SPHKAP: variants seen among roughly 807,000 people sequenced by gnomAD.
SPHKAP encodes A-kinase anchor protein SPHKAP.
SPHKAP carries 67 observed loss-of-function variants against 137.5 expected under a neutral mutation model. That is an observed-to-expected ratio of 0.49 (90% confidence interval 0.40 to 0.60). The LOEUF is 0.60. Among genes scored for constraint, SPHKAP ranks in the 20% least tolerant of loss-of-function variants. The pLI is 0.00. For missense variants in SPHKAP, 2,097 were observed against 2,069.3 expected, an observed-to-expected ratio of 1.01 and a Z score of -0.26; for synonymous variants, 813 against 785.3, an observed-to-expected ratio of 1.04 and a Z score of -0.59.
rs1434857854 is a variant in SPHKAP at position 228,001,325 on chromosome 2, A to ATC, written c.4449-5632_4449-5631insGA. ...AATATATCTATACATATATAAATAT[A>ATC]TATACATATATAAATATATATACAC... On this transcript the variant is annotated intron_variant, in intron 7 of 11. Coordinates refer to ENST00000392056, the MANE Select transcript of SPHKAP (RefSeq NM_001142644.2). 1.9e-3 allele frequency among the ~76,000 whole-genome samples: 272 copies of ATC among 143,962 alleles called. 1 individual carries two copies. The highest frequency in any genetic ancestry group is 9.1e-3 in the South Asian group (43 of 4,724). The allele number at this position is 143,962 out of a possible 152,430, so 94.4% of individuals were successfully genotyped here.
intron 8 of SPHKAP, 100 bp downstream of exon 8, chr2:227,995,407 TTC>T: frequency 1.4e-6 from 2 of 1,418,606 alleles, no homozygotes; most frequent in Non-Finnish European, 2.0e-6. Context: ...TGTTCTCTCC[TTC>T]TCTCTTTATT....
chr2:228,107,149 T>C (rs1034537731), intron 3 of SPHKAP, among the ~76,000 whole-genome samples: 1 of 152,098 alleles, frequency 6.6e-6, no homozygotes, highest in Non-Finnish European at 1.5e-5. Flanking sequence ...CTACTAGTTA[T>C]CGTCACCATG....
rs202074786 is a variant in SPHKAP, at chr2:228,019,874, G to A, written c.980C>T (p.Ala327Val). 1.8e-4 allele frequency: 285 copies of A among 1,614,072 alleles called. No individual in the cohort carries two copies. Among genetic ancestry groups the A allele is most frequent in the Non-Finnish European group, 2.0e-4 (239 of 1,180,036 alleles). The change falls in exon 7 of 12, where the codon GCT (alanine) becomes GTT (valine). Residue 327 changes from alanine to valine, a missense_variant. Coordinates refer to ENST00000392056, the MANE Select transcript of SPHKAP (RefSeq NM_001142644.2). Reference protein sequence around the residue: ...RQATHYYHSEAFKGQMEKSQA... With the variant: ...RQATHYYHSEVFKGQMEKSQA... ...TGATTTTTCCATTTGACCTTTAAAA[G>A]CTTCTGAATGATAATAATGTGTGGC...
intron 7 of SPHKAP, among the ~76,000 whole-genome samples, chr2:227,996,345 C>A (rs752886214): frequency 1.3e-5 from 2 of 152,192 alleles, no homozygotes; most frequent in Non-Finnish European, 2.9e-5. Flanking sequence ...AAGGAGCTCT[C>A]CAGAGCATTT....
rs965459047 is a variant in SPHKAP at position 228,110,528 on chromosome 2, C to T, written c.139-1589G>A. 5.3e-5 allele frequency among the ~76,000 whole-genome samples: 8 copies of T among 152,244 alleles called. No individual in the cohort carries two copies. The East Asian group carries it at 1.5e-3, about 29-fold the overall frequency. Reference sequence around the variant, plus strand: ...CTCTCAGTTCTCTTAAATATTTTACCTAAACTGGTTCTTAAAGCATGGGCT... The same window carrying T: ...CTCTCAGTTCTCTTAAATATTTTACTTAAACTGGTTCTTAAAGCATGGGCT... On this transcript the variant is annotated intron_variant, in intron 2 of 11. Transcript: ENST00000392056.
intron 2 of SPHKAP, among the ~76,000 whole-genome samples, chr2:228,118,739 T>C (rs1431691211): frequency 1.3e-5 from 2 of 152,176 alleles, no homozygotes; most frequent in Non-Finnish European, 2.9e-5. Context: ...TTTGGAATGC[T>C]ATTATAAAAC....
chr2:228,080,553 A>C (rs545746754), intron 3 of SPHKAP, among the ~76,000 whole-genome samples: 10 of 152,142 alleles, frequency 6.6e-5, no homozygotes, highest in African/African-American at 2.4e-4. Flanking sequence ...TAAAAGTACA[A>C]AAAATTAGCT....
intron 3 of SPHKAP, among the ~76,000 whole-genome samples, chr2:228,049,412 C>T (rs982746384): frequency 5.3e-5 from 8 of 152,204 alleles, no homozygotes; most frequent in Non-Finnish European, 1.0e-4. Context: ...CTCTTTCTTC[C>T]AGTATACTGT....
intron 1 of SPHKAP, among the ~76,000 whole-genome samples, chr2:228,149,794 T>C (rs546257705): frequency 6.6e-6 from 1 of 152,318 alleles, no homozygotes; most frequent in Admixed American, 6.5e-5. Context: ...GCAAACATCC[T>C]AAATTTATTT....
At chr2:228,107,039 T>TA (rs1390978909) in intron 3 of SPHKAP, among the ~76,000 whole-genome samples, 1 of 151,492 alleles carries the variant, frequency 6.6e-6, no homozygotes, top group Non-Finnish European at 1.5e-5. Flanking sequence ...TAAATTGAAC[T>TA]AATGAACATA....
intron 2 of SPHKAP, among the ~76,000 whole-genome samples, chr2:228,113,620 TC>T (rs1292260809): frequency 3.6e-5 from 5 of 139,672 alleles, no homozygotes; most frequent in African/African-American, 5.9e-5. Context: ...TCTCTCTCTC[TC>T]TCTCTCTCTC....
chr2:228,075,680 T>A (rs1233311049), intron 3 of SPHKAP, among the ~76,000 whole-genome samples: 1 of 152,192 alleles, frequency 6.6e-6, no homozygotes, highest in Non-Finnish European at 1.5e-5. Context: ...GAAAAAGCAA[T>A]GTTTCTCTCT....
rs142731038 is a variant in SPHKAP, at chr2:228,045,591, A to C, written c.247-18048T>G. 7.5e-4 allele frequency among the ~76,000 whole-genome samples: 114 copies of C among 151,938 alleles called. 1 individual carries two copies. Among genetic ancestry groups the C allele is most frequent in the Middle Eastern group, 3.4e-3 (1 of 294 alleles). Reference sequence around the variant, plus strand: ...CGAAGGGGAACATCACACAGCGGGGACTGTTGCGGGATTGGGGGAGCGGGG... The same window carrying C: ...CGAAGGGGAACATCACACAGCGGGGCCTGTTGCGGGATTGGGGGAGCGGGG... On this transcript the variant is annotated intron_variant, in intron 3 of 11. Coordinates refer to ENST00000392056, the MANE Select transcript of SPHKAP (RefSeq NM_001142644.2).
At chr2:228,153,912 G>A (rs1200448132) in intron 1 of SPHKAP, among the ~76,000 whole-genome samples, 1 of 152,086 alleles carries the variant, frequency 6.6e-6, no homozygotes, top group East Asian at 1.9e-4. Context: ...TAATATTTGT[G>A]AGCAGAAAAG....
chr2:228,120,401 A>C (rs1405466333), intron 2 of SPHKAP, among the ~76,000 whole-genome samples: 1 of 152,170 alleles, frequency 6.6e-6, no homozygotes, highest in African/African-American at 2.4e-5. Flanking sequence ...CAAATATCAC[A>C]TAAGGATATA....
At position 227,993,543 on chromosome 2, in the gene SPHKAP, G is replaced by A. The variant is rs199551114; in HGVS notation, c.4712C>T (p.Pro1571Leu). 2.5e-6 allele frequency: 4 copies of A among 1,601,458 alleles called. No homozygotes were observed. The highest frequency in any genetic ancestry group is 2.6e-6 in the Non-Finnish European group (3 of 1,174,044). ...CTCAGTGGCTACTTACTTAATCATG[G>A]GAGAAGATGGCATGCTTTCCTGATA... Reference protein sequence around the residue: ...DIYQESMPSSPMINELVEEKK... With the variant: ...DIYQESMPSSLMINELVEEKK... Residue 1571 changes from proline (P) to leucine (L), a missense_variant, in exon 9 of 12, where the codon CCC becomes CTC. Pro to Leu is a moderately conservative substitution (Grantham distance 98). Transcript: ENST00000392056.
intron 3 of SPHKAP, among the ~76,000 whole-genome samples, chr2:228,093,178 G>T (rs1222540241): frequency 6.6e-6 from 1 of 152,130 alleles, no homozygotes; most frequent in African/African-American, 2.4e-5. Flanking sequence ...ACCACTAGTG[G>T]GAATGTAAAA....
At chr2:228,100,785 G>A (rs981897386) in intron 3 of SPHKAP, among the ~76,000 whole-genome samples, 5 of 152,206 alleles carry the variant, frequency 3.3e-5, no homozygotes, top group African/African-American at 9.6e-5. Context: ...GTTTATCAGC[G>A]ATGTTGGCAT....
rs147836933 is a variant in SPHKAP at position 228,025,525 on chromosome 2, G to A, written c.310C>T (p.Leu104=). Residue 104 remains leucine, a synonymous_variant, in exon 5 of 12, where the codon CTG becomes TTG. Transcript: ENST00000392056. ...GGAAGATCTGGTGAAACGTTGACCA[G>A]TTTCTGTAAAGCAAGAATCTTTATT... is the stretch of plus-strand genomic sequence containing the variant. The part of the protein sequence containing the change: ...ECSTEHLQQK[L]VNVSPDLPKL... 24 of 1,613,264 alleles carry A rather than the reference G, an allele frequency of 1.5e-5. No individual in the cohort carries two copies. In the African/African-American group the frequency reaches 2.8e-4, roughly 19 times the overall value.
Sources: allele counts gnomAD v4.1 joint callset (sites outside exome capture counted in the v4.1 genomes callset), GRCh38; gene constraint gnomAD v4.1.1; transcripts MANE v1.5; gene names NCBI Gene and HGNC (gene_info 2026-07-23, HGNC 2026-07-21).